The following CHN2 variants were observed in gnomAD, a reference collection of about 807,000 sequenced individuals.
CHN2 encodes chimerin 2.
CHN2 carries 35 observed loss-of-function variants against 56.3 expected under a neutral mutation model. The observed-to-expected ratio is 0.62, with a 90% CI of 0.47 to 0.82. The LOEUF is 0.82. CHN2 is among the 40% of genes least tolerant of loss of function. CHN2 has a pLI of 0.00. For missense variants in CHN2, 491 were observed against 580.5 expected (o/e 0.85, Z 1.58); for synonymous variants, 210 against 212.8 (o/e 0.99, Z 0.12).
intron 1 of CHN2, among the ~76,000 whole-genome samples, chr7:29,304,969 T>A (rs1414958277): frequency 6.6e-6 from 1 of 152,170 alleles, no homozygotes; most frequent in Non-Finnish European, 1.5e-5. Context: ...GGAGGATACG[T>A]CTGTTTCCCG....
intron 6 of CHN2, among the ~76,000 whole-genome samples, chr7:29,474,349 CTA>C (rs2128533158): frequency 6.6e-6 from 1 of 152,230 alleles, no homozygotes; most frequent in African/African-American, 2.4e-5. Context: ...ATCTGTATCT[CTA>C]TATCTATCCA....
At chr7:29,377,960 G>A (rs1039191032) in intron 3 of CHN2, among the ~76,000 whole-genome samples, 3 of 152,206 alleles carry the variant, frequency 2.0e-5, no homozygotes, top group African/African-American at 7.2e-5. Context: ...CCAGCACCTT[G>A]CGTCCTTCTA....
intron 1 of CHN2, among the ~76,000 whole-genome samples, chr7:29,224,118 G>T (rs937474064): frequency 3.3e-5 from 5 of 152,172 alleles, no homozygotes; most frequent in African/African-American, 1.2e-4. Context: ...TGTCACAGCT[G>T]ATGTTCTAAA....
At chr7:29,507,709 T>C (rs929181163) in intron 11 of CHN2, among the ~76,000 whole-genome samples, 3 of 152,084 alleles carry the variant, frequency 2.0e-5, no homozygotes, top group Admixed American at 1.3e-4. Flanking sequence ...GGGTATCCAA[T>C]CTTTTGTCTT....
At chr7:29,478,475 C>T (rs2128538964) in intron 6 of CHN2, among the ~76,000 whole-genome samples, 1 of 152,214 alleles carries the variant, frequency 6.6e-6, no homozygotes, top group South Asian at 2.1e-4. Context: ...TAGGGAGAGG[C>T]CAGACTCAAC....
chr7:29,188,607 T>C (rs1339758409), intron 2 of CHN2, among the ~76,000 whole-genome samples: 1 of 152,060 alleles, frequency 6.6e-6, no homozygotes, highest in Non-Finnish European at 1.5e-5. Context: ...AATGAAAATA[T>C]TGATTCAGAT....
chr7:29,357,616 A>G lies in CHN2; in HGVS notation c.88+2953A>G, dbSNP rs559919672. Among the ~76,000 whole-genome samples the G allele has an allele frequency of 1.9e-3, 294 of 152,342 alleles. 1 individual carries two copies. Among genetic ancestry groups the G allele is most frequent in the African/African-American group, 6.9e-3 (288 of 41,570 alleles). On this transcript the variant is annotated intron_variant, in intron 2 of 12. Coordinates refer to ENST00000222792, the MANE Select transcript of CHN2 (RefSeq NM_004067.4). ...CTAGTCAAGGAGACAGATGTAAACC[A>G]ATAAACTTAAAATGCAAATGAATTC...
At chr7:29,171,147 T>G (rs1796555360) in intron 2 of CHN2, among the ~76,000 whole-genome samples, 1 of 152,190 alleles carries the variant, frequency 6.6e-6, no homozygotes, top group Non-Finnish European at 1.5e-5. Flanking sequence ...TTCCCCCCAG[T>G]TCTGACTCTT....
intron 1 of CHN2, chr7:29,146,772 G>T (rs1792756344): frequency 3.9e-6 from 6 of 1,548,976 alleles, no homozygotes; most frequent in Non-Finnish European, 5.2e-6. Flanking sequence ...GTTTTATTTT[G>T]ATTTTGTCTC....
At chr7:29,213,103 G>T (rs1326405774) in intron 1 of CHN2, 1 of 1,600,368 alleles carries the variant, frequency 6.2e-7, no homozygotes, top group Non-Finnish European at 8.5e-7. Context: ...TGCCTTGGAA[G>T]CTGCAGGGGA....
In CHN2 at chr7:29,265,782, C is replaced by A. The variant is rs555380764; in HGVS notation, c.49+70792C>A. On this transcript the variant is annotated intron_variant, in intron 1 of 12. Coordinates refer to ENST00000222792, the MANE Select transcript of CHN2 (RefSeq NM_004067.4). Reference sequence around the variant, plus strand: ...GAGGAGGAAAGGCTGTTGATGTCAGCTACTGTAGTACAGAGAGCATCCTCT... The same window carrying A: ...GAGGAGGAAAGGCTGTTGATGTCAGATACTGTAGTACAGAGAGCATCCTCT... Among the ~76,000 whole-genome samples the A allele has an allele frequency of 5.1e-4, 77 of 152,220 alleles. 1 individual carries two copies. In the South Asian group the frequency reaches 0.011, roughly 21 times the overall value.
At chr7:29,503,155 T>A (rs1790158770) in intron 9 of CHN2, among the ~76,000 whole-genome samples, 1 of 152,134 alleles carries the variant, frequency 6.6e-6, no homozygotes, top group African/African-American at 2.4e-5. Flanking sequence ...TCCAAAGAAA[T>A]AATTAAGGCT....
At chr7:29,301,699 C>A (rs1793679448) in intron 1 of CHN2, among the ~76,000 whole-genome samples, 1 of 152,146 alleles carries the variant, frequency 6.6e-6, no homozygotes, top group Admixed American at 6.5e-5. Context: ...ATACTACTCA[C>A]CCTACGTAAT....
chr7:29,293,362 G>GCCCCC, intron 1 of CHN2, among the ~76,000 whole-genome samples: 1 of 53,138 alleles, frequency 1.9e-5, no homozygotes. Flanking sequence ...GGCAGCTAAT[G>GCCCCC]CCCCCCCCCC....
At chr7:29,473,480 T>TTGTGTGTGTGTG (rs1554299018) in intron 6 of CHN2, among the ~76,000 whole-genome samples, 266 of 130,958 alleles carry the variant, frequency 2.0e-3, no homozygotes, top group African/African-American at 7.0e-3. Flanking sequence ...GTTTTTTTTT[T>TTGTGTGTGTGTG]TTTGTGTGTG....
chr7:29,222,498 C>G (rs1460772477), intron 1 of CHN2, among the ~76,000 whole-genome samples: 2 of 79,700 alleles, frequency 2.5e-5, no homozygotes, highest in African/African-American at 1.0e-4. Context: ...AGCACAGACA[C>G]ACAGAGCAAT....
intron 2 of CHN2, among the ~76,000 whole-genome samples, chr7:29,170,210 T>G (rs1382027578): frequency 2.0e-5 from 3 of 152,164 alleles, no homozygotes; most frequent in African/African-American, 4.8e-5. Flanking sequence ...CTACTTTATG[T>G]TTAACAATAG....
intron 3 of CHN2, among the ~76,000 whole-genome samples, chr7:29,369,818 G>A (rs1335230035): frequency 2.6e-5 from 4 of 152,196 alleles, no homozygotes; most frequent in Non-Finnish European, 5.9e-5. Flanking sequence ...CATCTGCTGT[G>A]ACTAAAGAAT....
chr7:29,352,794 G>A (rs567312133), intron 1 of CHN2, among the ~76,000 whole-genome samples: 1 of 152,172 alleles, frequency 6.6e-6, no homozygotes, highest in Non-Finnish European at 1.5e-5. Context: ...TTTCTGATGA[G>A]GTGGCATTGT....
Sources: allele counts gnomAD v4.1 joint callset (sites outside exome capture counted in the v4.1 genomes callset), GRCh38; gene constraint gnomAD v4.1.1; transcripts MANE v1.5; gene names NCBI Gene and HGNC (gene_info 2026-07-23, HGNC 2026-07-21).